EXT1: variants seen among roughly 807,000 people sequenced by gnomAD.
EXT1 encodes exostosin glycosyltransferase 1, also known as exostosin-1.
A neutral mutation model predicts 82.5 loss-of-function variants in EXT1; 20 were observed. That is an observed-to-expected ratio of 0.24 (90% CI 0.17 to 0.35). The LOEUF is 0.35. EXT1 is among the 10% of genes least tolerant of loss of function. The probability of loss-of-function intolerance (pLI) is 1.00; values close to 1 mark genes in which losing one functional copy is unlikely to be tolerated. For missense variants in EXT1, 757 were observed against 936.5 expected (o/e 0.81, Z 2.50); for synonymous variants, 348 against 350.8 (o/e 0.99, Z 0.09).
chr8:117,819,568 A>G lies in EXT1; in HGVS notation c.1536+108T>C, dbSNP rs999741607. 1.4e-5 allele frequency: 12 copies of G among 860,042 alleles called. No individual in the cohort carries two copies. The African/African-American group carries it at 1.8e-4, about 13-fold the overall frequency. 53.3% of individuals were successfully genotyped at this position (860,042 alleles called of 1,614,324 possible). A position where few individuals can be genotyped will look rare whatever the true frequency, so the allele number is the denominator to read the frequency against. ...AGGGAGTAGCAGGGTATGATGTTAG[A>G]GAAGTCCCGGGGAGCCTGGGGAGCC... On this transcript the variant is annotated intron_variant, in intron 6 of 10. Coordinates refer to ENST00000378204, the MANE Select transcript of EXT1 (RefSeq NM_000127.3).
intron 1 of EXT1, among the ~76,000 whole-genome samples, chr8:117,885,869 G>A (rs1374347688): frequency 6.6e-6 from 1 of 152,208 alleles, no homozygotes; most frequent in Non-Finnish European, 1.5e-5. Context: ...GTAAAAGCCA[G>A]CATTTCTGTG....
At chr8:118,072,308 C>T (rs550393778) in intron 1 of EXT1, among the ~76,000 whole-genome samples, 4 of 152,152 alleles carry the variant, frequency 2.6e-5, no homozygotes, top group Non-Finnish European at 5.9e-5. Context: ...GCTTTAAGTA[C>T]ATATGGATGT....
chr8:117,832,208 T>C (rs1812112042), intron 3 of EXT1, among the ~76,000 whole-genome samples: 1 of 152,172 alleles, frequency 6.6e-6, no homozygotes, highest in African/African-American at 2.4e-5. Context: ...TGTTTTATCG[T>C]AGCCACAAGG....
Position 117,861,488 on chromosome 8 carries a change from C to CTTT in EXT1, c.963-24290_963-24288dup, listed in dbSNP as rs755653091. Among the ~76,000 whole-genome samples the CTTT allele has an allele frequency of 6.2e-3, 535 of 86,814 alleles. 3 individuals carry two copies. Among genetic ancestry groups the CTTT allele is most frequent in the Middle Eastern group, 8.3e-3 (1 of 120 alleles). The allele number at this position is 86,814 out of a possible 152,430, so 57.0% of individuals were successfully genotyped here. A position where few individuals can be genotyped will look rare whatever the true frequency, so the allele number is the denominator to read the frequency against. On this transcript the variant is annotated intron_variant, in intron 1 of 10. Coordinates refer to ENST00000378204, the MANE Select transcript of EXT1 (RefSeq NM_000127.3). ...GCCATTTGCTCCCTGAAGTTTTTAT[C>CTTT]TTTTTTTTTTTTTTTTTTTTTTTTG...
rs1463673192 is a variant in EXT1 at position 117,835,485 on chromosome 8, T to C, written c.1123A>G (p.Asn375Asp). Reference sequence around the variant, plus strand: ...TCATCGCCTATGACGGCAGCTTGGTTCCAATTAATCACTTCAGAGAATGGC... The same window carrying C: ...TCATCGCCTATGACGGCAGCTTGGTCCCAATTAATCACTTCAGAGAATGGC... ...ELPFSEVINW[N>D]QAAVIGDERL... Residue 375 changes from asparagine (N) to aspartate (D), a missense_variant, in exon 3 of 11, where the codon AAC (asparagine) becomes GAC (aspartate). Around this residue, in one of 4 missense-constraint regions of EXT1, gnomAD observed 247 missense variants for 330.1 expected, o/e 0.75. Coordinates refer to ENST00000378204, the MANE Select transcript of EXT1 (RefSeq NM_000127.3). 6.2e-7 allele frequency: 1 copy of C among 1,614,172 alleles called. No individual in the cohort carries two copies. Among genetic ancestry groups the C allele is most frequent in the South Asian group, 1.1e-5 (1 of 91,074 alleles).
At position 118,070,962 on chromosome 8, in the gene EXT1, C is replaced by T. The variant is rs117693368; in HGVS notation, c.962+39123G>A. Among the ~76,000 whole-genome samples the T allele has an allele frequency of 1.3e-3, 198 of 152,252 alleles. 5 individuals carry two copies. In the East Asian group the frequency reaches 0.029, roughly 22 times the overall value. The stretch of plus-strand genomic sequence containing the variant: ...GTTCCTGAGGCCGTTTTAAAGCCTC[C>T]ATTTGTGATCTGACCCTTTCAGAAT... On this transcript the variant is annotated intron_variant, in intron 1 of 10. Transcript: ENST00000378204.
intron 1 of EXT1, among the ~76,000 whole-genome samples, chr8:117,915,855 C>CAAACAAAACG (rs1554585723): frequency 6.7e-6 from 1 of 148,722 alleles, no homozygotes; most frequent in Non-Finnish European, 1.5e-5. Flanking sequence ...GACTCTGTCT[C>CAAACAAAACG]AAACAAAACA....
At chr8:117,936,446 G>C (rs1193096615) in intron 1 of EXT1, among the ~76,000 whole-genome samples, 3 of 152,182 alleles carry the variant, frequency 2.0e-5, no homozygotes, top group Non-Finnish European at 4.4e-5. Flanking sequence ...AAAACCAAGA[G>C]AATCAGAGAG....
intron 1 of EXT1, among the ~76,000 whole-genome samples, chr8:117,964,884 C>T (rs932747805): frequency 2.0e-5 from 3 of 152,104 alleles, no homozygotes; most frequent in Admixed American, 6.5e-5. Context: ...GTGATCTGCC[C>T]GCCTTGGCCT....
chr8:117,883,999 T>C (rs2129926521), intron 1 of EXT1, among the ~76,000 whole-genome samples: 1 of 152,336 alleles, frequency 6.6e-6, no homozygotes, highest in Admixed American at 6.5e-5. Flanking sequence ...CTTGGGGATT[T>C]GGAGAGAGTC....
chr8:117,811,413 G>T (rs1203838207), intron 8 of EXT1, among the ~76,000 whole-genome samples: 1 of 152,058 alleles, frequency 6.6e-6, no homozygotes. Context: ...ACAATTGGCG[G>T]TGTGTCCACC....
At chr8:118,066,073 A>C (rs1816980657) in intron 1 of EXT1, among the ~76,000 whole-genome samples, 1 of 152,176 alleles carries the variant, frequency 6.6e-6, no homozygotes, top group Non-Finnish European at 1.5e-5. Flanking sequence ...TTAACTGTAG[A>C]GATATGAGTT....
intron 1 of EXT1, among the ~76,000 whole-genome samples, chr8:118,006,516 T>C (rs923545151): frequency 6.6e-6 from 1 of 152,136 alleles, no homozygotes; most frequent in African/African-American, 2.4e-5. Context: ...ATACTCTACC[T>C]ATCTCTAGGA....
intron 1 of EXT1, among the ~76,000 whole-genome samples, chr8:117,921,698 G>A (rs1242639765): frequency 6.6e-6 from 1 of 152,128 alleles, no homozygotes; most frequent in Non-Finnish European, 1.5e-5. Context: ...CCTAATACAG[G>A]GAGTCTTTTT....
At chr8:118,098,853 T>C (rs971619917) in intron 1 of EXT1, among the ~76,000 whole-genome samples, 1 of 151,948 alleles carries the variant, frequency 6.6e-6, no homozygotes. Flanking sequence ...GATATGCATC[T>C]TGAAAACCCA....
intron 1 of EXT1, among the ~76,000 whole-genome samples, chr8:117,885,901 C>T (rs1813139556): frequency 6.6e-6 from 1 of 152,176 alleles, no homozygotes; most frequent in Non-Finnish European, 1.5e-5. Flanking sequence ...TGGACATTGG[C>T]CCTTTGACCT....
intron 1 of EXT1, among the ~76,000 whole-genome samples, chr8:117,990,982 G>A (rs1272293272): frequency 6.6e-6 from 1 of 152,160 alleles, no homozygotes; most frequent in African/African-American, 2.4e-5. Context: ...TACCAACCAT[G>A]TGCAAATGGT....
At chr8:117,974,499 G>T (rs1563617902) in intron 1 of EXT1, among the ~76,000 whole-genome samples, 1 of 152,134 alleles carries the variant, frequency 6.6e-6, no homozygotes, top group Non-Finnish European at 1.5e-5. Flanking sequence ...ACAGGATCTT[G>T]CTCTGTTGCC....
intron 1 of EXT1, among the ~76,000 whole-genome samples, chr8:118,025,475 T>C (rs1816186600): frequency 6.6e-6 from 1 of 152,190 alleles, no homozygotes; most frequent in Non-Finnish European, 1.5e-5. Flanking sequence ...CCCCACCGGA[T>C]ATACCTTGAA....
Sources: allele counts gnomAD v4.1 joint callset (sites outside exome capture counted in the v4.1 genomes callset), GRCh38; gene constraint gnomAD v4.1.1; regional missense constraint gnomAD v4.1.1; transcripts MANE v1.5; gene names NCBI Gene and HGNC (gene_info 2026-07-23, HGNC 2026-07-21).